KCNMA1: variants seen among roughly 807,000 people sequenced by gnomAD.
The protein encoded by KCNMA1 is potassium calcium-activated channel subfamily M alpha 1.
A neutral mutation model predicts 140.0 loss-of-function variants in KCNMA1; 29 were observed. The ratio of observed to expected loss-of-function variants is 0.21; its 90% CI spans 0.15 to 0.28. KCNMA1 has a LOEUF of 0.28. Ranked by LOEUF, KCNMA1 falls within the 10% of genes least tolerant of loss-of-function variation. The pLI is 1.00. For missense variants in KCNMA1, 880 were observed against 1,602.2 expected, an observed-to-expected ratio of 0.55 and a Z score of 7.70; for synonymous variants, 612 against 611.9, an observed-to-expected ratio of 1.00 and a Z score of 0.00.
chr10:76,978,468 G>A (rs543032615), intron 19 of KCNMA1: 1 of 152,194 alleles, frequency 6.6e-6, no homozygotes, highest in South Asian at 2.1e-4. Flanking sequence ...ATCAGCTGGA[G>A]CTTACAAAGC....
At chr10:77,527,490 C>G (rs929773415) in intron 1 of KCNMA1, among the ~76,000 whole-genome samples, 1 of 152,126 alleles carries the variant, frequency 6.6e-6, no homozygotes, top group African/African-American at 2.4e-5. Flanking sequence ...AGAGCCAGAG[C>G]CAACTCAGGG....
intron 1 of KCNMA1, among the ~76,000 whole-genome samples, chr10:77,596,041 G>GA (rs1299986930): frequency 1.3e-5 from 2 of 152,054 alleles, no homozygotes; most frequent in Non-Finnish European, 2.9e-5. Flanking sequence ...TAAGCCACTA[G>GA]AAAAAAAGTG....
At chr10:77,574,808 A>G (rs943040445) in intron 1 of KCNMA1, among the ~76,000 whole-genome samples, 4 of 152,252 alleles carry the variant, frequency 2.6e-5, no homozygotes, top group African/African-American at 9.6e-5. Flanking sequence ...TGTAAGTGCC[A>G]TATAATTTTG....
At chr10:77,324,533 G>GCTAT (rs36007501) in intron 2 of KCNMA1, among the ~76,000 whole-genome samples, 39,713 of 151,880 alleles carry the variant, frequency 0.26, 6,521 homozygotes, top group Non-Finnish European at 0.38. Context: ...TATTTATGAA[G>GCTAT]CTATAGAGAA....
intron 1 of KCNMA1, among the ~76,000 whole-genome samples, chr10:77,518,502 C>G (rs758974463): frequency 5.3e-5 from 8 of 152,124 alleles, no homozygotes; most frequent in Non-Finnish European, 1.2e-4. Flanking sequence ...AGTATGAATC[C>G]GTCACTTCTC....
intron 2 of KCNMA1, among the ~76,000 whole-genome samples, chr10:77,275,200 G>A (rs2066315902): frequency 6.6e-6 from 1 of 152,146 alleles, no homozygotes; most frequent in Non-Finnish European, 1.5e-5. Context: ...TGTGAGGTAG[G>A]ATCTGAAAGC....
rs368568833 is a variant in KCNMA1 at position 77,073,232 on chromosome 10, C to T, written c.1614G>A (p.Pro538=). 4.2e-5 allele frequency: 67 copies of T among 1,614,152 alleles called. No individual in the cohort carries two copies. In the East Asian group the frequency reaches 4.9e-4, roughly 12 times the overall value. Residue 538 remains proline (P), a synonymous_variant, in exon 14 of 28, where the codon CCG becomes CCA. Transcript: ENST00000286628. Reference sequence around the variant, plus strand: ...CATCACCTTCTTTCCAATTCCAGCTCGGGATGTTTAGCAGATGGGCCTGGG... The same window carrying T: ...CATCACCTTCTTTCCAATTCCAGCTTGGGATGTTTAGCAGATGGGCCTGGG... The part of the protein sequence containing the change: ...YHNKAHLLNI[P]SWNWKEGDDA...
chr10:77,482,535 G>A (rs2098410302), intron 1 of KCNMA1, among the ~76,000 whole-genome samples: 1 of 152,098 alleles, frequency 6.6e-6, no homozygotes, highest in Admixed American at 6.6e-5. Flanking sequence ...CGGCATAAGG[G>A]CAGGATCAAC....
chr10:76,896,870 A>C (rs1048563354), intron 25 of KCNMA1, among the ~76,000 whole-genome samples: 8 of 152,014 alleles, frequency 5.3e-5, no homozygotes, highest in Non-Finnish European at 8.8e-5. Context: ...TAAAAAAAAA[A>C]CCACTGAATC....
intron 5 of KCNMA1, among the ~76,000 whole-genome samples, chr10:77,168,854 A>G (rs2098671748): frequency 6.6e-6 from 1 of 152,252 alleles, no homozygotes; most frequent in Non-Finnish European, 1.5e-5. Context: ...ACCAGGGATC[A>G]GCAAACTTTC....
chr10:76,920,028 A>G lies in KCNMA1; in HGVS notation c.2903-4979T>C, dbSNP rs1263314846. On this transcript the variant is annotated intron_variant, in intron 23 of 27. Transcript: ENST00000286628. ...TGTGTGTGTGTGTGTGTGTATATAT[A>G]TATATATATATATATATATATATAC... 2.8e-3 allele frequency among the ~76,000 whole-genome samples: 274 copies of G among 98,468 alleles called. 3 individuals carry two copies. The highest frequency in any genetic ancestry group is 0.013 in the African/African-American group (249 of 19,380). The allele number at this position is 98,468 out of a possible 152,430, so 64.6% of individuals were successfully genotyped here.
intron 1 of KCNMA1, among the ~76,000 whole-genome samples, chr10:77,491,711 TCATACA>T (rs3222135): frequency 6.3e-5 from 5 of 79,620 alleles, no homozygotes; most frequent in African/African-American, 2.7e-4. Flanking sequence ...GGTTTAGAAG[TCATACA>T]CACACACACA....
At chr10:77,636,939 C>G in intron 1 of KCNMA1, 1 of 1,419,710 alleles carries the variant, frequency 7.0e-7, no homozygotes, top group East Asian at 2.6e-5. Flanking sequence ...TGGCTGTCCC[C>G]ACCCCGCACC....
chr10:76,961,665 T>C (rs2153065958), intron 20 of KCNMA1, among the ~76,000 whole-genome samples: 1 of 152,182 alleles, frequency 6.6e-6, no homozygotes, highest in African/African-American at 2.4e-5. Flanking sequence ...TTTTAAGAAA[T>C]TGTCGCAGCC....
At chr10:77,071,460 G>A (rs894795542) in intron 14 of KCNMA1, 1 of 152,260 alleles carries the variant, frequency 6.6e-6, no homozygotes, top group Non-Finnish European at 1.5e-5. Flanking sequence ...AGCCAGAGAA[G>A]TTCTCGTGGT....
Position 76,891,654 on chromosome 10 carries a change from C to G in KCNMA1, c.3213G>C (p.Glu1071Asp). 1 of 1,614,150 alleles carries G rather than the reference C, an allele frequency of 6.2e-7. No individual in the cohort carries two copies. Among genetic ancestry groups the G allele is most frequent in the Non-Finnish European group, 8.5e-7 (1 of 1,180,030 alleles). ...RTLVTGGATP[E>D]LEALIAEENA... ...TTTCCTCAGCAATCAGAGCCTCCAG[C>G]TCCGGCGTGGCTCCTCCGGTCACCA... Residue 1071 changes from glutamate (E) to aspartate (D), a missense_variant, in exon 26 of 28, where the codon GAG (glutamate) becomes GAC (aspartate). Coordinates refer to ENST00000286628, the MANE Select transcript of KCNMA1 (RefSeq NM_001161352.2).
intron 3 of KCNMA1, among the ~76,000 whole-genome samples, chr10:77,211,526 A>G (rs961605301): frequency 6.6e-6 from 1 of 152,140 alleles, no homozygotes; most frequent in African/African-American, 2.4e-5. Context: ...GGAAATACCC[A>G]TCTCAACATC....
At chr10:77,616,683 G>A (rs1480635691) in intron 1 of KCNMA1, among the ~76,000 whole-genome samples, 1 of 152,072 alleles carries the variant, frequency 6.6e-6, no homozygotes, top group Non-Finnish European at 1.5e-5. Flanking sequence ...GTGCGCACCT[G>A]TAATCCCAGC....
intron 2 of KCNMA1, among the ~76,000 whole-genome samples, chr10:77,328,800 T>C (rs896190732): frequency 2.0e-5 from 3 of 152,202 alleles, no homozygotes; most frequent in Non-Finnish European, 2.9e-5. Flanking sequence ...AACAAAATTA[T>C]TGAGAATAAA....
Sources: allele counts gnomAD v4.1 joint callset (sites outside exome capture counted in the v4.1 genomes callset), GRCh38; gene constraint gnomAD v4.1.1; transcripts MANE v1.5; gene names NCBI Gene and HGNC (gene_info 2026-07-23, HGNC 2026-07-21).